The following BROX variants were observed in gnomAD, a reference collection of about 807,000 sequenced individuals.
BROX encodes BRO1 domain-containing protein BROX.
A neutral mutation model predicts 61.0 loss-of-function variants in BROX; 53 were observed. The observed-to-expected ratio is 0.87, with a 90% CI of 0.70 to 1.09. The LOEUF (loss-of-function observed/expected upper bound fraction) is 1.09, where lower values mean the gene tolerates loss of function less well. BROX is among the 50% of genes least tolerant of loss of function. The pLI, the probability that BROX is intolerant of heterozygous loss-of-function variation, is 0.00. For synonymous variants in BROX, 152 were observed against 160.2 expected (o/e 0.95, Z 0.38); for missense variants, 489 against 472.0 (o/e 1.04, Z -0.33).
rs1253694854 is a variant in BROX at position 222,725,516 on chromosome 1, G to A, written c.541G>A (p.Glu181Lys). 1.2e-6 allele frequency: 2 copies of A among 1,613,174 alleles called. No individual in the cohort carries two copies. Among genetic ancestry groups the A allele is most frequent in the African/African-American group, 2.7e-5 (2 of 74,988 alleles). The change falls in exon 7 of 13, where the codon GAA (glutamate) becomes AAA (lysine). Residue 181 changes from glutamate (E) to lysine (K), a missense_variant. By Grantham distance (56) the Glu-to-Lys change is moderately conservative. Coordinates refer to ENST00000340934, the MANE Select transcript of BROX (RefSeq NM_144695.4). ...AAGAGATTTAGAGTCACGACTCATA[G>A]AAGCATACGTTATTCAATGTCAGGC... ...KGRDLESRLI[E>K]AYVIQCQAEA...
At position 222,730,587 on chromosome 1, in the gene BROX, C is replaced by G. The variant is rs75050902; in HGVS notation, c.989+410C>G. 1.2e-3 allele frequency among the ~76,000 whole-genome samples: 182 copies of G among 152,300 alleles called. 5 individuals carry two copies. The East Asian group carries it at 0.016, about 13-fold the overall frequency. On this transcript the variant is annotated intron_variant, in intron 11 of 12. Coordinates refer to ENST00000340934, the MANE Select transcript of BROX (RefSeq NM_144695.4). ...CTCCCGCCTGGGCAAGAGTGAGACA[C>G]TGTCTCAAATATATATAGTATTTAT...
At chr1:222,715,656 TG>T (rs774313401) in intron 1 of BROX, 27 bp from the exon 2 acceptor site, 1 of 972,288 alleles carries the variant, frequency 1.0e-6, no homozygotes, top group Admixed American at 2.8e-5. Context: ...ATTTAATTTT[TG>T]TATATTTTTT....
intron 5 of BROX, among the ~76,000 whole-genome samples, chr1:222,723,222 A>T (rs74881564): frequency 6.6e-6 from 1 of 152,252 alleles, no homozygotes; most frequent in African/African-American, 2.4e-5. Context: ...TTTCTTAAGC[A>T]TGTATATGCA....
At position 222,715,660 on chromosome 1, in the gene BROX, TA is replaced by T. The variant is rs759535708; in HGVS notation, c.-16-23del. The T allele has an allele frequency of 2.0e-5, 21 of 1,055,108 alleles. No homozygotes were observed. The Admixed American group carries it at 2.2e-4, about 11-fold the overall frequency. 65.4% of individuals were successfully genotyped at this position (1,055,108 alleles called of 1,614,324 possible). A position where few individuals can be genotyped will look rare whatever the true frequency, so the allele number is the denominator to read the frequency against. On this transcript the variant is annotated intron_variant, in intron 1 of 12. Coordinates refer to ENST00000340934, the MANE Select transcript of BROX (RefSeq NM_144695.4). ...AAATATTTTATATTTAATTTTTGTA[TA>T]TTTTTTACTTTTTTGTCTATAGAAA... is the stretch of plus-strand genomic sequence containing the variant.
Position 222,733,561 on chromosome 1 carries a change from CTTATAG to C in BROX, c.*851_*856del, listed in dbSNP as rs944496833. 1.4e-4 allele frequency: 21 copies of C among 152,178 alleles called. No individual in the cohort carries two copies. The highest frequency in any genetic ancestry group is 4.8e-4 in the African/African-American group (20 of 41,436). The allele number at this position is 152,178 out of a possible 1,614,324, so 9.4% of individuals were successfully genotyped here. On this transcript the variant is annotated 3_prime_UTR_variant, in exon 13 of 13. Transcript: ENST00000340934. ...TTTTCTGGTGGAGAATAAAAAGTCA[CTTATAG>C]TTAAAGATCAGAAAATTATCACACC...
Position 222,733,063 on chromosome 1 carries a change from CT to C in BROX, c.*361del, listed in dbSNP as rs796814438. On this transcript the variant is annotated 3_prime_UTR_variant, in exon 13 of 13. Coordinates refer to ENST00000340934, the MANE Select transcript of BROX (RefSeq NM_144695.4). Reference sequence around the variant, plus strand: ...AGGTATGTTTTTCTTTTTTCTTTTTCTTTTTTTTTTTTCTTTTTTTTTTTTT... The same window carrying C: ...AGGTATGTTTTTCTTTTTTCTTTTTCTTTTTTTTTTTCTTTTTTTTTTTTT... The C allele has an allele frequency of 0.13, 13,727 of 103,848 alleles. 1,081 individuals are homozygous for C. Among genetic ancestry groups the C allele is most frequent in the African/African-American group, 0.24 (6,443 of 26,866 alleles). The allele number at this position is 103,848 out of a possible 1,614,324, so 6.4% of individuals were successfully genotyped here. A position where few individuals can be genotyped will look rare whatever the true frequency, so the allele number is the denominator to read the frequency against.
intron 12 of BROX, among the ~76,000 whole-genome samples, chr1:222,732,302 G>T (rs1419862107): frequency 6.6e-6 from 1 of 152,042 alleles, no homozygotes; most frequent in Non-Finnish European, 1.5e-5. Flanking sequence ...CCATGCTGGT[G>T]TGCTGCACCC....
At chr1:222,713,404 G>A in intron 1 of BROX, 1 of 985,620 alleles carries the variant, frequency 1.0e-6, no homozygotes, top group Non-Finnish European at 1.2e-6. Flanking sequence ...CAGAGCTCGG[G>A]GGCGGCGCTC....
chr1:222,726,582 T>C (rs1375066559), intron 7 of BROX, among the ~76,000 whole-genome samples: 1 of 152,126 alleles, frequency 6.6e-6, no homozygotes, highest in Admixed American at 6.5e-5. Flanking sequence ...CTGGGCATGG[T>C]GGCGTATGCC....
In BROX at chr1:222,732,702, C is replaced by A; in HGVS notation, c.1224C>A (p.Cys408Ter). ...PDIKPQKDTG[C>*]YIS Reference sequence around the variant, plus strand: ...TCAAACCTCAAAAGGACACTGGGTGCTACATCTCCTAAAATACAACTTGCA... The same window carrying A: ...TCAAACCTCAAAAGGACACTGGGTGATACATCTCCTAAAATACAACTTGCA... The change falls in exon 13 of 13, where the codon TGC (cysteine) becomes TGA (stop). Residue 408 changes from cysteine (C) to a stop codon, truncating the protein, a stop_gained. Coordinates refer to ENST00000340934, the MANE Select transcript of BROX (RefSeq NM_144695.4). LOFTEE classifies it high-confidence loss of function. 6.2e-7 allele frequency: 1 copy of A among 1,610,354 alleles called. No individual in the cohort carries two copies. The highest frequency in any genetic ancestry group is 8.5e-7 in the Non-Finnish European group (1 of 1,177,392).
At chr1:222,724,544 T>A (rs1309222165) in intron 6 of BROX, among the ~76,000 whole-genome samples, 1 of 152,208 alleles carries the variant, frequency 6.6e-6, no homozygotes, top group Non-Finnish European at 1.5e-5. Flanking sequence ...TCTGAGTGTA[T>A]GCTCTGTATC....
At chr1:222,724,219 A>C (rs1209383034) in intron 6 of BROX, 55 bp downstream of exon 6, 1 of 1,441,246 alleles carries the variant, frequency 6.9e-7, no homozygotes, top group Non-Finnish European at 9.5e-7. Flanking sequence ...ATTCTTGAAT[A>C]ATTTTTCTTT....
intron 7 of BROX, 147 bp downstream of exon 7, chr1:222,725,702 G>A (rs1025672695): frequency 3.8e-6 from 2 of 522,974 alleles, no homozygotes; most frequent in Non-Finnish European, 3.2e-6. Context: ...TTGAGCCCAG[G>A]AGTTCAAGAA....
intron 1 of BROX, among the ~76,000 whole-genome samples, chr1:222,714,240 C>T (rs1022047425): frequency 7.5e-6 from 1 of 132,898 alleles, no homozygotes; most frequent in Non-Finnish European, 1.5e-5. Context: ...GAGACGGAGT[C>T]TCCCTCTGTC....
At chr1:222,716,656 C>G (rs182776145) in intron 2 of BROX, among the ~76,000 whole-genome samples, 1 of 152,182 alleles carries the variant, frequency 6.6e-6, no homozygotes, top group Non-Finnish European at 1.5e-5. Context: ...GTATGGCTGC[C>G]TCTGGCTGCT....
chr1:222,729,984 T>C (rs1657814449), intron 10 of BROX, 43 bp from the exon 11 acceptor site: 1 of 1,563,582 alleles, frequency 6.4e-7, no homozygotes, highest in African/African-American at 1.4e-5. Flanking sequence ...AAATAGGCAG[T>C]GTTAATTATA....
In BROX at chr1:222,734,539, A is replaced by G. The variant is rs1376910488; in HGVS notation, c.*1825A>G. The G allele has an allele frequency of 6.6e-6, 1 of 152,182 alleles. No homozygotes were observed. The highest frequency in any genetic ancestry group is 2.4e-5 in the African/African-American group (1 of 41,450). 9.4% of individuals were successfully genotyped at this position (152,182 alleles called of 1,614,324 possible). ...TACTAAATACTGCTTGCAGTATAAT[A>G]TTGATATTGGAAGCTGCAGTTTCCA... On this transcript the variant is annotated 3_prime_UTR_variant, in exon 13 of 13. Transcript: ENST00000340934.
Position 222,712,573 on chromosome 1 carries a change from A to C in BROX, c.-386A>C. ...AGGTTGAGGCCGCCCCACTGCGCCG[A>C]GGGCCGCCATCGCTATTGCGGCATT... On this transcript the variant is annotated 5_prime_UTR_variant, in exon 1 of 13. Transcript: ENST00000340934. The C allele has an allele frequency of 7.3e-7, 1 of 1,374,650 alleles. No homozygotes were observed. Among genetic ancestry groups the C allele is most frequent in the Non-Finnish European group, 9.5e-7 (1 of 1,057,478 alleles). 85.2% of individuals were successfully genotyped at this position (1,374,650 alleles called of 1,614,324 possible). A position where few individuals can be genotyped will look rare whatever the true frequency, so the allele number is the denominator to read the frequency against.
intron 7 of BROX, 115 bp from the exon 8 acceptor site, chr1:222,727,049 TTAAC>T: frequency 1.4e-6 from 1 of 738,386 alleles, no homozygotes; most frequent in South Asian, 1.9e-5. Context: ...GTTAAAACGT[TTAAC>T]AAACTGTATT....
Sources: gnomAD v4.1 joint callset for allele counts (sites outside exome capture counted in the v4.1 genomes callset) on GRCh38, gnomAD v4.1.1 for gene constraint, MANE v1.5 for transcripts, NCBI Gene and HGNC (gene_info 2026-07-23, HGNC 2026-07-21) for gene names.